EDA: variants seen among roughly 807,000 people sequenced by gnomAD.
EDA encodes ectodysplasin A, also known as ectodysplasin-A.
A neutral mutation model predicts 23.6 loss-of-function variants in EDA; 2 were observed. That is an observed-to-expected ratio of 0.08 (90% confidence interval 0.03 to 0.27). The LOEUF (loss-of-function observed/expected upper bound fraction) is 0.27. Among genes scored for constraint, EDA ranks in the 10% least tolerant of loss-of-function variants. The probability of loss-of-function intolerance (pLI) is 1.00; values close to 1 mark genes in which losing one functional copy is unlikely to be tolerated. For synonymous variants in EDA, 131 were observed against 132.0 expected (o/e 0.99, Z 0.05); for missense variants, 229 against 324.2 (o/e 0.71, Z 2.26).
chrX:69,782,798 T>G (rs2014995679), intron 1 of EDA, among the ~76,000 whole-genome samples: 1 of 111,986 alleles, frequency 8.9e-6, no homozygotes, highest in East Asian at 2.8e-4. Flanking sequence ...ATCTAAAATA[T>G]AACTTGACTG....
chrX:69,724,183 A>G (rs755317059), intron 1 of EDA, among the ~76,000 whole-genome samples: 2 of 111,196 alleles, frequency 1.8e-5, no homozygotes, highest in Non-Finnish European at 3.8e-5. Context: ...ATGCTTGTAA[A>G]GTGTTATTGA....
chrX:70,023,276 C>G, intron 3 of EDA, 35 bp downstream of exon 3: 1 of 1,019,690 alleles, frequency 9.8e-7, no homozygotes, highest in Non-Finnish European at 1.4e-6. Flanking sequence ...GCTGTCTTGT[C>G]ATATATTTTC....
intron 1 of EDA, among the ~76,000 whole-genome samples, chrX:69,619,062 G>A (rs1932086338): frequency 8.9e-6 from 1 of 112,161 alleles, no homozygotes; most frequent in African/African-American, 3.2e-5. Context: ...TCTACATTGT[G>A]CTGACAGATT....
intron 1 of EDA, among the ~76,000 whole-genome samples, chrX:69,785,020 T>C (rs1335176968): frequency 9.2e-6 from 1 of 109,099 alleles, no homozygotes; most frequent in Non-Finnish European, 1.9e-5. Context: ...CCCTTGTAAG[T>C]TGGATTCCTA....
At chrX:69,772,178 T>A (rs1344700551) in intron 1 of EDA, among the ~76,000 whole-genome samples, 1 of 111,645 alleles carries the variant, frequency 9.0e-6, no homozygotes, top group Non-Finnish European at 1.9e-5. Context: ...CAGGCTGATC[T>A]CAAACTCCTG....
chrX:69,748,733 A>C (rs1277633157), intron 1 of EDA, among the ~76,000 whole-genome samples: 1 of 111,289 alleles, frequency 9.0e-6, no homozygotes, highest in Non-Finnish European at 1.9e-5. Flanking sequence ...TCAGTTAGTT[A>C]ACATTCTTTA....
Position 69,719,304 on chromosome X carries a change from TC to T in EDA, c.396+102602del, listed in dbSNP as rs747154524. Among the ~76,000 whole-genome samples the T allele has an allele frequency of 4.1e-3, 454 of 111,379 alleles. 1 individual carries two copies. Among genetic ancestry groups the T allele is most frequent in the African/African-American group, 0.014 (438 of 30,628 alleles). The stretch of plus-strand genomic sequence containing the variant: ...AAGACTGAATTATTTAAAAATGTTT[TC>T]CTCATAGTTTCTTTATAATGCATGT... On this transcript the variant is annotated intron_variant, in intron 1 of 7. Coordinates refer to ENST00000374552, the MANE Select transcript of EDA (RefSeq NM_001399.5).
At chrX:69,965,775 G>T (rs759300383) in intron 2 of EDA, among the ~76,000 whole-genome samples, 2 of 112,415 alleles carry the variant, frequency 1.8e-5, no homozygotes, top group East Asian at 5.5e-4. Flanking sequence ...GTCTGGACAC[G>T]GTGGCTTACG....
chrX:70,031,122 C>T (rs1325588548), intron 6 of EDA, among the ~76,000 whole-genome samples: 1 of 112,502 alleles, frequency 8.9e-6, no homozygotes, highest in Non-Finnish European at 1.9e-5. Context: ...TTGTACGATA[C>T]TTTAGAGTTC....
chrX:69,967,988 AGAG>A (rs1243065428), intron 2 of EDA, among the ~76,000 whole-genome samples: 3 of 111,724 alleles, frequency 2.7e-5, no homozygotes, highest in Non-Finnish European at 5.6e-5. Flanking sequence ...TAAACAAAAG[AGAG>A]GAGGAGAAGA....
intron 6 of EDA, among the ~76,000 whole-genome samples, chrX:70,032,180 A>T (rs952339707): frequency 2.4e-4 from 26 of 109,368 alleles, no homozygotes; most frequent in Middle Eastern, 4.3e-3. Flanking sequence ...AATCACTTGA[A>T]CCCGGGAGGT....
At position 69,754,890 on chromosome X, in the gene EDA, GTCT is replaced by G. The variant is rs1451287426; in HGVS notation, c.396+138189_396+138191del. ...TGCATCATGTAGTTCTCGTGCCAAG[GTCT>G]TCAGCTCCATCAGGTCATTTAAGGA... On this transcript the variant is annotated intron_variant, in intron 1 of 7. Transcript: ENST00000374552. 6.5e-4 allele frequency among the ~76,000 whole-genome samples: 73 copies of G among 112,055 alleles called. 1 individual carries two copies. Among genetic ancestry groups the G allele is most frequent in the African/African-American group, 2.4e-3 (73 of 30,875 alleles).
At chrX:70,018,466 A>G (rs141519247) in intron 2 of EDA, among the ~76,000 whole-genome samples, 1,174 of 112,214 alleles carry the variant, frequency 0.01, 13 homozygotes, top group Non-Finnish European at 0.017. Flanking sequence ...TAAGGCTGCA[A>G]TACCCAAAAC....
chrX:69,693,641 A>G (rs766219475), intron 1 of EDA, among the ~76,000 whole-genome samples: 1 of 111,471 alleles, frequency 9.0e-6, no homozygotes, highest in East Asian at 2.8e-4. Context: ...TTTAGATGCC[A>G]TTTGTCCTTT....
chrX:69,910,169 T>A (rs1463542399), intron 1 of EDA, among the ~76,000 whole-genome samples: 3 of 110,185 alleles, frequency 2.7e-5, no homozygotes, highest in Non-Finnish European at 3.8e-5. Context: ...ATTAATTATT[T>A]TTTTTTTTAG....
At chrX:69,642,165 G>A (rs371230488) in intron 1 of EDA, among the ~76,000 whole-genome samples, 1 of 110,942 alleles carries the variant, frequency 9.0e-6, no homozygotes, top group African/African-American at 3.3e-5. Flanking sequence ...GAAAATGAGT[G>A]GGGAGGCAAT....
intron 1 of EDA, among the ~76,000 whole-genome samples, chrX:69,716,683 T>C (rs1316538420): frequency 8.9e-6 from 1 of 111,804 alleles, no homozygotes; most frequent in African/African-American, 3.3e-5. Context: ...TTTAATGATA[T>C]TGATTCTTCT....
chrX:69,765,929 T>G (rs1250316454), intron 1 of EDA, among the ~76,000 whole-genome samples: 2 of 112,058 alleles, frequency 1.8e-5, no homozygotes, highest in Admixed American at 9.5e-5. Flanking sequence ...GCTTTCCATG[T>G]CTAAAACTTT....
chrX:69,956,725 T>C (rs1423993327), intron 1 of EDA, among the ~76,000 whole-genome samples: 1 of 111,960 alleles, frequency 8.9e-6, no homozygotes, highest in Non-Finnish European at 1.9e-5. Context: ...AGTTAGAAAT[T>C]TGTGGCTAGG....
Sources: gnomAD v4.1 joint callset for allele counts (sites outside exome capture counted in the v4.1 genomes callset) on GRCh38, gnomAD v4.1.1 for gene constraint, MANE v1.5 for transcripts, NCBI Gene and HGNC (gene_info 2026-07-23, HGNC 2026-07-21) for gene names.